MCTP1: variants seen among roughly 807,000 people sequenced by gnomAD.
MCTP1 encodes the protein multiple C2 and transmembrane domain-containing protein 1.
In MCTP1, 69 loss-of-function variants were observed where a neutral mutation model predicts 120.6. That is an observed-to-expected ratio of 0.57 (90% CI 0.47 to 0.70). The LOEUF is 0.70. MCTP1 is among the 30% of genes least tolerant of loss of function. MCTP1 has a pLI of 0.00. For synonymous variants in MCTP1, 529 were observed against 493.1 expected (o/e 1.07, Z -0.96); for missense variants, 1,203 against 1,248.8 (o/e 0.96, Z 0.55).
intron 1 of MCTP1, among the ~76,000 whole-genome samples, chr5:95,249,608 A>G (rs1757176809): frequency 6.6e-6 from 1 of 152,198 alleles, no homozygotes; most frequent in Non-Finnish European, 1.5e-5. Flanking sequence ...GCAATTCCTC[A>G]AGGATCTAGA....
At chr5:94,875,481 G>A (rs1798650035) in intron 12 of MCTP1, among the ~76,000 whole-genome samples, 1 of 152,060 alleles carries the variant, frequency 6.6e-6, no homozygotes, top group Admixed American at 6.6e-5. Flanking sequence ...TCATTAATGG[G>A]GGAGGTTTTG....
intron 10 of MCTP1, among the ~76,000 whole-genome samples, chr5:94,901,200 A>C (rs1805440237): frequency 6.6e-6 from 1 of 152,186 alleles, no homozygotes. Context: ...GAGCAAAGTT[A>C]TGCCTTCTAA....
intron 19 of MCTP1, among the ~76,000 whole-genome samples, chr5:94,757,308 G>A (rs1770138513): frequency 6.6e-6 from 1 of 152,150 alleles, no homozygotes; most frequent in Non-Finnish European, 1.5e-5. Flanking sequence ...TAGATAAACG[G>A]AAAGAACATT....
chr5:94,758,436 AC>A (rs1368616843), intron 19 of MCTP1, among the ~76,000 whole-genome samples: 1 of 152,144 alleles, frequency 6.6e-6, no homozygotes, highest in Non-Finnish European at 1.5e-5. Flanking sequence ...ACAGAGCGAG[AC>A]CCCATCTCTT....
chr5:95,137,454 T>C (rs1475784824), intron 1 of MCTP1, among the ~76,000 whole-genome samples: 1 of 152,228 alleles, frequency 6.6e-6, no homozygotes, highest in Non-Finnish European at 1.5e-5. Context: ...ATATCATCAT[T>C]AAACAGTATC....
At chr5:94,766,550 A>T (rs1772774780) in intron 19 of MCTP1, among the ~76,000 whole-genome samples, 2 of 152,300 alleles carry the variant, frequency 1.3e-5, no homozygotes, top group South Asian at 4.1e-4. Context: ...GAGGGATAGC[A>T]TTAGGAGATA....
At chr5:95,195,061 C>G (rs1750230205) in intron 1 of MCTP1, among the ~76,000 whole-genome samples, 1 of 152,172 alleles carries the variant, frequency 6.6e-6, no homozygotes, top group Admixed American at 6.5e-5. Context: ...GCCTATGAGG[C>G]CTTGAATCCT....
chr5:94,965,576 G>A (rs1825393301), intron 2 of MCTP1, among the ~76,000 whole-genome samples: 1 of 151,968 alleles, frequency 6.6e-6, no homozygotes, highest in Non-Finnish European at 1.5e-5. Context: ...CTCCTATTCT[G>A]CCATCTTGCT....
At chr5:95,188,950 G>A (rs899580946) in intron 1 of MCTP1, among the ~76,000 whole-genome samples, 4 of 152,002 alleles carry the variant, frequency 2.6e-5, no homozygotes, top group African/African-American at 7.2e-5. Context: ...AAGGATACAC[G>A]GAATCTCTCT....
At chr5:94,884,798 C>T (rs1326632627) in intron 12 of MCTP1, among the ~76,000 whole-genome samples, 1 of 152,112 alleles carries the variant, frequency 6.6e-6, no homozygotes, top group Non-Finnish European at 1.5e-5. Flanking sequence ...AAGACTCTCA[C>T]GGAAGCTGAT....
At chr5:94,977,657 A>C (rs538581238) in intron 2 of MCTP1, among the ~76,000 whole-genome samples, 9 of 152,274 alleles carry the variant, frequency 5.9e-5, no homozygotes, top group Non-Finnish European at 1.2e-4. Context: ...AAATCAATCC[A>C]TGCCTGTATG....
chr5:94,923,015 A>G (rs1242038033), intron 7 of MCTP1, among the ~76,000 whole-genome samples: 16 of 146,302 alleles, frequency 1.1e-4, no homozygotes, highest in Admixed American at 7.6e-4. Context: ...AAAAAAAAAA[A>G]AAAAAAGTGC....
chr5:94,876,493 A>G (rs1000885953), intron 12 of MCTP1, among the ~76,000 whole-genome samples: 1 of 152,150 alleles, frequency 6.6e-6, no homozygotes, highest in Non-Finnish European at 1.5e-5. Flanking sequence ...TGAAGGCAGC[A>G]TCCAAAGTTG....
Position 94,894,687 on chromosome 5 carries a change from C to T in MCTP1, c.1801G>A (p.Glu601Lys). The T allele has an allele frequency of 1.2e-6, 2 of 1,612,314 alleles. No individual in the cohort carries two copies. The highest frequency in any genetic ancestry group is 1.7e-5 in the Admixed American group (1 of 59,976). The change falls in exon 11 of 23, where the codon GAG becomes AAG. Residue 601 changes from glutamate (E) to lysine (K), a missense_variant. Around this residue, in one of 2 missense-constraint regions of MCTP1, gnomAD observed 740 missense variants for 871.1 expected, o/e 0.85. Coordinates refer to ENST00000515393, the MANE Select transcript of MCTP1 (RefSeq NM_024717.7). ...SISDLSVNSL[E>K]DQKEREEILK... Reference sequence around the variant, plus strand: ...ATCTCCTCTCGTTCCTTCTGGTCCTCCAGGGAGTTGACAGACAGGTCAGAG... The same window carrying T: ...ATCTCCTCTCGTTCCTTCTGGTCCTTCAGGGAGTTGACAGACAGGTCAGAG...
intron 18 of MCTP1, among the ~76,000 whole-genome samples, chr5:94,793,093 C>T (rs1779312835): frequency 6.6e-6 from 1 of 152,026 alleles, no homozygotes; most frequent in South Asian, 2.1e-4. Flanking sequence ...AAGTGGAAGG[C>T]CTGGTCATCT....
At chr5:94,945,515 A>T (rs568652139) in intron 3 of MCTP1, among the ~76,000 whole-genome samples, 26 of 152,298 alleles carry the variant, frequency 1.7e-4, no homozygotes, top group African/African-American at 6.3e-4. Context: ...TTATTAATTC[A>T]TTTATTTGAA....
At chr5:95,081,317 C>T in intron 1 of MCTP1, 1 of 872,842 alleles carries the variant, frequency 1.1e-6, no homozygotes, top group South Asian at 1.7e-5. Context: ...CAAATGCAAC[C>T]TTCAATACCC....
chr5:95,228,494 G>A (rs777729888), intron 1 of MCTP1, among the ~76,000 whole-genome samples: 1 of 151,604 alleles, frequency 6.6e-6, no homozygotes, highest in African/African-American at 2.4e-5. Context: ...GAGAGAGAGC[G>A]AGACAAATGA....
intron 17 of MCTP1, among the ~76,000 whole-genome samples, chr5:94,841,045 T>G (rs1244194808): frequency 6.6e-6 from 1 of 152,152 alleles, no homozygotes; most frequent in African/African-American, 2.4e-5. Context: ...GGCAGCATCT[T>G]TGACACTGGG....
Sources: gnomAD v4.1 joint callset for allele counts (sites outside exome capture counted in the v4.1 genomes callset) on GRCh38, gnomAD v4.1.1 for gene constraint, gnomAD v4.1.1 regional missense constraint, MANE v1.5 for transcripts, NCBI Gene and HGNC (gene_info 2026-07-23, HGNC 2026-07-21) for gene names.